The following LIPA variants were observed in gnomAD, a reference collection of about 807,000 sequenced individuals.
The protein encoded by LIPA is lysosomal acid lipase/cholesteryl ester hydrolase.
Under a neutral mutation model 40.6 loss-of-function variants are expected in LIPA, and 26 were observed. The observed-to-expected ratio is 0.64, with a 90% CI of 0.47 to 0.89. The LOEUF is 0.89. LIPA is among the 40% of genes least tolerant of loss of function. The pLI is 0.00. For synonymous variants in LIPA, 188 were observed against 168.4 expected (o/e 1.12, Z -0.90); for missense variants, 455 against 479.6 (o/e 0.95, Z 0.48).
intron 2 of LIPA, chr10:89,412,766 G>A (rs1312213115): frequency 4.6e-6 from 2 of 435,012 alleles, no homozygotes; most frequent in Admixed American, 2.6e-5. Flanking sequence ...CTGCACTCCT[G>A]AAGTCAGCAA....
chr10:89,328,458 G>A (rs557879125), intron 1 of LIPA, among the ~76,000 whole-genome samples: 28 of 152,236 alleles, frequency 1.8e-4, no homozygotes, highest in Non-Finnish European at 3.2e-4. Flanking sequence ...TTACTCTTTT[G>A]GGTTTTTCTG....
intron 1 of LIPA, chr10:89,306,530 C>A: frequency 6.2e-7 from 1 of 1,614,104 alleles, no homozygotes; most frequent in South Asian, 1.1e-5. Context: ...GCCACCATCT[C>A]AGAACGCCAT....
In LIPA at chr10:89,342,584, C is replaced by T. The variant is rs41284142; in HGVS notation, c.-2+27G>A. On this transcript the variant is annotated intron_variant, in intron 1 of 5. Coordinates refer to the LIPA transcript ENST00000282673. ...ACCCTGGGTCCAGCATTCCATCTTCCAGGTATGGTTAGAAAAGAGATCAGA... is the reference window on the plus strand; with the variant it reads ...ACCCTGGGTCCAGCATTCCATCTTCTAGGTATGGTTAGAAAAGAGATCAGA... 1,459 of 152,278 alleles carry T rather than the reference C, an allele frequency of 9.6e-3. 11 individuals carry two copies. Among genetic ancestry groups the T allele is most frequent in the Middle Eastern group, 0.027 (8 of 294 alleles). The allele number at this position is 152,278 out of a possible 1,614,324, so 9.4% of individuals were successfully genotyped here.
At chr10:89,279,582 GC>G (rs1363995407) in intron 1 of LIPA, among the ~76,000 whole-genome samples, 3 of 152,212 alleles carry the variant, frequency 2.0e-5, no homozygotes, top group Non-Finnish European at 4.4e-5. Context: ...AGGGCTTCGA[GC>G]CAAACCACAA....
At chr10:89,357,654 T>C (rs866057624) in intron 2 of LIPA, among the ~76,000 whole-genome samples, 6 of 152,312 alleles carry the variant, frequency 3.9e-5, no homozygotes, top group Middle Eastern at 3.4e-3. Flanking sequence ...AAAACTGACC[T>C]GAGGTTTGAG....
intron 1 of LIPA, among the ~76,000 whole-genome samples, chr10:89,251,100 A>T (rs1564767857): frequency 6.6e-6 from 1 of 152,180 alleles, no homozygotes; most frequent in Non-Finnish European, 1.5e-5. Context: ...AACAACAATT[A>T]TTACGACTCC....
intron 1 of LIPA, among the ~76,000 whole-genome samples, chr10:89,262,108 A>C (rs1364393145): frequency 6.6e-6 from 1 of 152,182 alleles, no homozygotes; most frequent in Admixed American, 6.5e-5. Flanking sequence ...GATAATAGAA[A>C]ACAAGATTTT....
chr10:89,414,427 C>G, exon 1 of LIPA: 1 of 242,086 alleles, frequency 4.1e-6, no homozygotes, highest in Non-Finnish European at 7.9e-6. Context: ...AGATAAAAGC[C>G]GAGACCAAAG....
chr10:89,348,209 G>A (rs1843935329), intron 2 of LIPA, among the ~76,000 whole-genome samples: 1 of 152,158 alleles, frequency 6.6e-6, no homozygotes, highest in East Asian at 1.9e-4. Flanking sequence ...GAAGATTTCC[G>A]TCAGACAGAA....
intron 2 of LIPA, among the ~76,000 whole-genome samples, chr10:89,352,274 A>G (rs912243022): frequency 7.2e-5 from 11 of 152,142 alleles, no homozygotes; most frequent in African/African-American, 2.7e-4. Flanking sequence ...GTTTTGGCCC[A>G]ATCACAGAGG....
intron 8 of LIPA, among the ~76,000 whole-genome samples, chr10:89,218,372 A>G (rs1842654830): frequency 6.6e-6 from 1 of 152,256 alleles, no homozygotes; most frequent in East Asian, 1.9e-4. Flanking sequence ...TTCAAGCAAC[A>G]GAAACTGCCC....
intron 1 of LIPA, chr10:89,327,890 T>C: frequency 1.8e-6 from 1 of 560,238 alleles, no homozygotes. Flanking sequence ...CTTTCCAGTT[T>C]CCTCTTCCTT....
At chr10:89,405,901 G>C (rs550365628) in intron 2 of LIPA, 4 of 152,014 alleles carry the variant, frequency 2.6e-5, no homozygotes, top group Non-Finnish European at 4.4e-5. Context: ...TTGCGGGGGG[G>C]GCATTATTCT....
At chr10:89,258,126 T>C (rs1291709050) in intron 1 of LIPA, among the ~76,000 whole-genome samples, 1 of 152,208 alleles carries the variant, frequency 6.6e-6, no homozygotes, top group Non-Finnish European at 1.5e-5. Context: ...ATAAGAATAC[T>C]GAATACTGGG....
chr10:89,345,897 T>C (rs879838444), upstream of LIPA, among the ~76,000 whole-genome samples: 8 of 152,116 alleles, frequency 5.3e-5, no homozygotes, highest in Non-Finnish European at 8.8e-5. Context: ...GAAGAGACAA[T>C]GACCGAAATT....
chr10:89,384,741 T>C lies in LIPA; in HGVS notation c.61+28050A>G, dbSNP rs556728953. 3.6e-5 allele frequency: 57 copies of C among 1,592,434 alleles called. 2 individuals are homozygous for C. The highest frequency in any genetic ancestry group is 3.0e-4 in the African/African-American group (22 of 73,934). Reference sequence around the variant, plus strand: ...CTGACCTGAACCCTATATTTTAACATAGAGGTCACCATTATCCATTTAATG... The same window carrying C: ...CTGACCTGAACCCTATATTTTAACACAGAGGTCACCATTATCCATTTAATG... On this transcript the variant is annotated intron_variant, in intron 2 of 8. Transcript: ENST00000371837.
At chr10:89,246,230 T>C (rs1738559794) in intron 2 of LIPA, among the ~76,000 whole-genome samples, 1 of 152,160 alleles carries the variant, frequency 6.6e-6, no homozygotes, top group Non-Finnish European at 1.5e-5. Flanking sequence ...CTTGTTTTTA[T>C]CAATGGACTA....
chr10:89,384,832 C>T (rs1418971642), intron 2 of LIPA: 1 of 1,165,704 alleles, frequency 8.6e-7, no homozygotes, highest in East Asian at 2.4e-5. Context: ...TGGAAATTTA[C>T]CTTATTTTGA....
At chr10:89,279,919 G>A (rs1003948300) in intron 1 of LIPA, among the ~76,000 whole-genome samples, 46 of 152,102 alleles carry the variant, frequency 3.0e-4, no homozygotes, top group African/African-American at 1.1e-3. Flanking sequence ...GCATCGTATT[G>A]AAAAACCCAC....
Sources: allele counts gnomAD v4.1 joint callset (sites outside exome capture counted in the v4.1 genomes callset), GRCh38; gene constraint gnomAD v4.1.1; transcripts MANE v1.5; gene names NCBI Gene and HGNC (gene_info 2026-07-23, HGNC 2026-07-21).